PCSK6: variants seen among roughly 807,000 people sequenced by gnomAD.
PCSK6 encodes the protein proprotein convertase subtilisin/kexin type 6.
In PCSK6, 85 loss-of-function variants were observed where a neutral mutation model predicts 123.3. That is an observed-to-expected ratio of 0.69 (90% CI 0.58 to 0.83). PCSK6 has a LOEUF of 0.83. Among genes scored for constraint, PCSK6 ranks in the 40% least tolerant of loss-of-function variants. The probability of loss-of-function intolerance (pLI) is 0.00; values close to 1 mark genes in which losing one functional copy is unlikely to be tolerated. For synonymous variants in PCSK6, 508 were observed against 516.0 expected (o/e 0.98, Z 0.21); for missense variants, 1,191 against 1,282.3 (o/e 0.93, Z 1.09).
At chr15:101,438,967 A>G (rs1567222052) in intron 2 of PCSK6, among the ~76,000 whole-genome samples, 2 of 152,380 alleles carry the variant, frequency 1.3e-5, no homozygotes, top group South Asian at 2.1e-4. Flanking sequence ...AAAAAGAGCG[A>G]AAGTCACCCG....
At chr15:101,361,156 T>TTC (rs753650844) in intron 13 of PCSK6, among the ~76,000 whole-genome samples, 2,508 of 130,290 alleles carry the variant, frequency 0.019, 69 homozygotes, top group African/African-American at 0.067. Context: ...CTATAGTTCT[T>TTC]TCTCTCTCTT....
intron 6 of PCSK6, among the ~76,000 whole-genome samples, chr15:101,425,653 C>T (rs2078195): frequency 0.16 from 24,244 of 152,044 alleles, 2,574 homozygotes; most frequent in South Asian, 0.27. Flanking sequence ...TATATTGCTT[C>T]ATACGTTATA....
intron 17 of PCSK6, among the ~76,000 whole-genome samples, chr15:101,322,915 G>A (rs2040161305): frequency 6.6e-6 from 1 of 152,218 alleles, no homozygotes; most frequent in African/African-American, 2.4e-5. Context: ...TTAACGAGGT[G>A]GAAATCTTCA....
intron 1 of PCSK6, among the ~76,000 whole-genome samples, chr15:101,459,461 A>ACCCTAAGTCCACACCACCAGCTGCCACCG (rs2057281764): frequency 8.5e-5 from 7 of 82,012 alleles, no homozygotes; most frequent in African/African-American, 2.9e-4. Context: ...TGCTGCCACC[A>ACCCTAAGTCCACACCACCAGCTGCCACCG]TTCCCGTCCC....
chr15:101,378,234 G>T (rs897744664), intron 11 of PCSK6, among the ~76,000 whole-genome samples: 2 of 152,200 alleles, frequency 1.3e-5, no homozygotes, highest in Non-Finnish European at 2.9e-5. Context: ...GATGCCCCTG[G>T]TCATGATCCT....
intron 6 of PCSK6, among the ~76,000 whole-genome samples, chr15:101,401,013 T>C (rs530303691): frequency 6.6e-6 from 1 of 152,236 alleles, no homozygotes; most frequent in African/African-American, 2.4e-5. Flanking sequence ...CCAGGTAGGA[T>C]AGTTGGTGGT....
Position 101,390,452 on chromosome 15 carries a change from A to G in PCSK6, c.1210-888T>C, listed in dbSNP as rs763112911. ...CCTTAAACCAGGAAGATTATCCTGG[A>G]TTATCTGAGTAGACCTGCTGCCACC... On this transcript the variant is annotated intron_variant, in intron 8 of 21. Transcript: ENST00000611716. Among the ~76,000 whole-genome samples, 14 of 147,634 alleles carry G rather than the reference A, an allele frequency of 9.5e-5. 3 individuals are homozygous for G. Among genetic ancestry groups the G allele is most frequent in the Non-Finnish European group, 1.8e-4 (12 of 66,554 alleles).
chr15:101,394,129 G>GTTT (rs1320294435), intron 7 of PCSK6, among the ~76,000 whole-genome samples: 3 of 132,904 alleles, frequency 2.3e-5, no homozygotes, highest in Non-Finnish European at 3.2e-5. Flanking sequence ...TTTTCTTTCC[G>GTTT]TTTTTTTGTT....
Position 101,431,465 on chromosome 15 carries a change from T to C in PCSK6, c.514-2A>G. ...GCGACTGTTCTTGTCGCCACAATGC[T>C]GTAAGCACGAAAGACACAAAGTCCC... On this transcript the variant is annotated splice_acceptor_variant, in intron 3 of 21. Coordinates refer to ENST00000611716, the MANE Select transcript of PCSK6 (RefSeq NM_002570.5). LOFTEE classifies it high-confidence loss of function. 6.2e-7 allele frequency: 1 copy of C among 1,613,660 alleles called. No homozygotes were observed. The highest frequency in any genetic ancestry group is 8.5e-7 in the Non-Finnish European group (1 of 1,179,794).
At chr15:101,452,482 G>C (rs1218421350) in intron 1 of PCSK6, among the ~76,000 whole-genome samples, 1 of 152,164 alleles carries the variant, frequency 6.6e-6, no homozygotes, top group Non-Finnish European at 1.5e-5. Flanking sequence ...TTTAAGATAA[G>C]CTGTAAAACT....
At chr15:101,458,039 G>A (rs948670888) in intron 1 of PCSK6, among the ~76,000 whole-genome samples, 17 of 152,160 alleles carry the variant, frequency 1.1e-4, no homozygotes, top group African/African-American at 4.1e-4. Flanking sequence ...CTCCAGAGGT[G>A]GAGCTGGGTC....
chr15:101,313,581 TTGTGAG>T, intron 19 of PCSK6, 76 bp from the exon 20 acceptor site: 1 of 1,526,080 alleles, frequency 6.6e-7, no homozygotes, highest in Non-Finnish European at 8.8e-7. Flanking sequence ...CTTCAGGGCC[TTGTGAG>T]ATCAGGGGTA....
chr15:101,408,453 G>A (rs980187031), intron 6 of PCSK6, among the ~76,000 whole-genome samples: 2 of 152,208 alleles, frequency 1.3e-5, no homozygotes, highest in African/African-American at 2.4e-5. Flanking sequence ...GCAGCAGGGC[G>A]GCCTGAGGAG....
At position 101,322,645 on chromosome 15, in the gene PCSK6, G is replaced by A. The variant is rs374046414; in HGVS notation, c.2378-38C>T. On this transcript the variant is annotated intron_variant, in intron 17 of 21. Coordinates refer to ENST00000611716, the MANE Select transcript of PCSK6 (RefSeq NM_002570.5). Reference sequence around the variant, plus strand: ...AGCGAGATAAGAAAAGAGAAGGGACGACACTGACAGGAATGAAATCTGGGC... The same window carrying A: ...AGCGAGATAAGAAAAGAGAAGGGACAACACTGACAGGAATGAAATCTGGGC... 60 of 1,292,158 alleles carry A rather than the reference G, an allele frequency of 4.6e-5. 1 individual carries two copies. In the African/African-American group the frequency reaches 4.7e-4, roughly 10 times the overall value. 80.0% of individuals were successfully genotyped at this position (1,292,158 alleles called of 1,614,324 possible).
intron 4 of PCSK6, 61 bp downstream of exon 4, chr15:101,431,259 A>AT: frequency 6.3e-7 from 1 of 1,576,744 alleles, no homozygotes; most frequent in Non-Finnish European, 8.7e-7. Flanking sequence ...TTAAACTTGC[A>AT]TTTACTTAAT....
intron 17 of PCSK6, among the ~76,000 whole-genome samples, chr15:101,323,731 G>GAA (rs11404372): frequency 0.031 from 3,978 of 128,076 alleles, 231 homozygotes; most frequent in African/African-American, 0.11. Flanking sequence ...ACTCCATCTC[G>GAA]AAAAAAAAAA....
chr15:101,411,334 T>A (rs2055676310), intron 6 of PCSK6, among the ~76,000 whole-genome samples: 1 of 152,130 alleles, frequency 6.6e-6, no homozygotes, highest in African/African-American at 2.4e-5. Flanking sequence ...AGAGTCATCT[T>A]GAGGCTGGTG....
chr15:101,429,932 A>G, intron 5 of PCSK6, 55 bp downstream of exon 5: 1 of 1,423,864 alleles, frequency 7.0e-7, no homozygotes, highest in South Asian at 1.1e-5. Flanking sequence ...CACATTCAAT[A>G]GTGACGCTGC....
At chr15:101,449,318 T>C (rs1210814682) in intron 1 of PCSK6, among the ~76,000 whole-genome samples, 1 of 152,178 alleles carries the variant, frequency 6.6e-6, no homozygotes, top group African/African-American at 2.4e-5. Flanking sequence ...ACATCCACCA[T>C]ACATTTTTTT....
Sources: allele counts gnomAD v4.1 joint callset (sites outside exome capture counted in the v4.1 genomes callset), GRCh38; gene constraint gnomAD v4.1.1; transcripts MANE v1.5; gene names NCBI Gene and HGNC (gene_info 2026-07-23, HGNC 2026-07-21).